The following PRLHR variants were observed in gnomAD, a reference collection of about 807,000 sequenced individuals.
The protein encoded by PRLHR is prolactin-releasing peptide receptor.
Under a neutral mutation model 9.3 loss-of-function variants are expected in PRLHR, and 10 were observed. The observed-to-expected ratio is 1.08, with a 90% CI of 0.66 to 1.82. The LOEUF is 1.82. Among genes scored for constraint, PRLHR ranks in the 40% most tolerant of loss-of-function variants. The pLI, the probability that PRLHR is intolerant of heterozygous loss-of-function variation, is 0.00. For missense variants in PRLHR, 589 were observed against 512.0 expected, an observed-to-expected ratio of 1.15 and a Z score of -1.45; for synonymous variants, 261 against 249.3, an observed-to-expected ratio of 1.05 and a Z score of -0.44.
rs1844436689 is a variant in PRLHR, at chr10:118,592,035, C to T, written c.*2097G>A. The T allele has an allele frequency of 6.6e-6, 1 of 151,732 alleles. No individual in the cohort carries two copies. Among genetic ancestry groups the T allele is most frequent in the Non-Finnish European group, 1.5e-5 (1 of 67,940 alleles). The allele number at this position is 151,732 out of a possible 1,614,324, so 9.4% of individuals were successfully genotyped here. A position where few individuals can be genotyped will look rare whatever the true frequency, so the allele number is the denominator to read the frequency against. On this transcript the variant is annotated 3_prime_UTR_variant, in exon 2 of 2. Transcript: ENST00000239032. ...CTTAAGGTGCTTAATCTTGGTTGCA[C>T]ATTAAAATCCCCTGAAGTGCTTTGG...
rs1844427310 is a variant in PRLHR at position 118,590,930 on chromosome 10, T to C, written c.*3202A>G. On this transcript the variant is annotated 3_prime_UTR_variant, in exon 2 of 2. Coordinates refer to ENST00000239032, the MANE Select transcript of PRLHR (RefSeq NM_004248.3). Reference sequence around the variant, plus strand: ...CCATGTAAGTGTTTCAAACTTAAGTTGTAGGCATGACAGAAACCAGTGGCA... The same window carrying C: ...CCATGTAAGTGTTTCAAACTTAAGTCGTAGGCATGACAGAAACCAGTGGCA... 6.6e-6 allele frequency: 1 copy of C among 152,338 alleles called. No homozygotes were observed. The highest frequency in any genetic ancestry group is 1.9e-4 in the East Asian group (1 of 5,194). 9.4% of individuals were successfully genotyped at this position (152,338 alleles called of 1,614,324 possible).
rs377348944 is a variant in PRLHR, at chr10:118,594,175, A to C, written c.1070T>G (p.Ile357Arg). 193 of 1,554,610 alleles carry C rather than the reference A, an allele frequency of 1.2e-4. No individual in the cohort carries two copies. Among genetic ancestry groups the C allele is most frequent in the Non-Finnish European group, 1.6e-4 (183 of 1,149,318 alleles). Residue 357 changes from isoleucine (I) to arginine (R), a missense_variant, in exon 2 of 2, where the codon ATA becomes AGA. Transcript: ENST00000239032. ...GGTCATATTCTGGCCATGGGGGGCT[A>C]TCTTGCGGGGCCAAGCGACCAACAG... ...RKLLVAWPRK[I>R]APHGQNMTVS...
At chr10:118,595,383 G>T in intron 1 of PRLHR, 133 bp from the exon 2 acceptor site, 1 of 789,206 alleles carries the variant, frequency 1.3e-6, no homozygotes, top group Non-Finnish European at 1.9e-6. Flanking sequence ...AGCAAAAGTA[G>T]CAAAAAGTGT....
Position 118,591,691 on chromosome 10 carries a change from T to C in PRLHR, c.*2441A>G, listed in dbSNP as rs1844433301. 6.9e-6 allele frequency: 1 copy of C among 144,896 alleles called. No individual in the cohort carries two copies. The highest frequency in any genetic ancestry group is 1.5e-5 in the Non-Finnish European group (1 of 65,944). 9.0% of individuals were successfully genotyped at this position (144,896 alleles called of 1,614,324 possible). ...TTTCTGAGATTCATTAGAAAGAGGA[T>C]TCCCGCCCCCACCCCCCACCCCGAG... On this transcript the variant is annotated 3_prime_UTR_variant, in exon 2 of 2. Transcript: ENST00000239032.
Position 118,594,941 on chromosome 10 carries a change from G to C in PRLHR, c.304C>G (p.Leu102Val), listed in dbSNP as rs754917070. The stretch of plus-strand genomic sequence containing the variant: ...CACATGAGCACGTCGGACAAGGCCA[G>C]GTTGCCGATGAGGAAGTTCGTCACG... ...HNVTNFLIGN[L>V]ALSDVLMCTA... The change falls in exon 2 of 2, where the codon CTG becomes GTG. Residue 102 changes from leucine to valine, a missense_variant. Transcript: ENST00000239032. The C allele has an allele frequency of 1.2e-6, 2 of 1,613,568 alleles. No individual in the cohort carries two copies. Among genetic ancestry groups the C allele is most frequent in the African/African-American group, 1.3e-5 (1 of 74,948 alleles).
At position 118,594,883 on chromosome 10, in the gene PRLHR, G is replaced by T. The variant is rs754543413; in HGVS notation, c.362C>A (p.Ala121Asp). The change falls in exon 2 of 2, where the codon GCC becomes GAC. Residue 121 changes from alanine (A) to aspartate (D), a missense_variant. Ala to Asp is a moderately radical substitution (Grantham distance 126). Transcript: ENST00000239032. Reference sequence around the variant, plus strand: ...GAACACCCAGCCGCGTGGCTCGAAGGCATAGGCCAGCGTGAGCGGCACGCA... The same window carrying T: ...GAACACCCAGCCGCGTGGCTCGAAGTCATAGGCCAGCGTGAGCGGCACGCA... ...TACVPLTLAY[A>D]FEPRGWVFGG... 58 of 1,613,378 alleles carry T rather than the reference G, an allele frequency of 3.6e-5. No individual in the cohort carries two copies. The highest frequency in any genetic ancestry group is 3.5e-4 in the South Asian group (32 of 91,054).
rs143477537 is a variant in PRLHR, at chr10:118,594,627, G to A, written c.618C>T (p.His206=). ...VHTYHVELKP[H]DVRLCEEFWG... ...AGAACTCCTCGCAGAGGCGCACGTC[G>A]TGCGGCTTGAGCTCCACGTGATAGG... The change falls in exon 2 of 2, where the codon CAC becomes CAT. Residue 206 remains histidine (H), a synonymous_variant. Coordinates refer to ENST00000239032, the MANE Select transcript of PRLHR (RefSeq NM_004248.3). 144 of 1,579,488 alleles carry A rather than the reference G, an allele frequency of 9.1e-5. No homozygotes were observed. The African/African-American group carries it at 1.8e-3, about 20-fold the overall frequency.
intron 1 of PRLHR, 50 bp downstream of exon 1, chr10:118,595,466 A>G (rs755897434): frequency 7.2e-6 from 3 of 414,642 alleles, no homozygotes; most frequent in African/African-American, 2.0e-5. Context: ...TTCCGCCTCT[A>G]TTTACGGTCC....
At position 118,592,096 on chromosome 10, in the gene PRLHR, T is replaced by C. The variant is rs1844437157; in HGVS notation, c.*2036A>G. The C allele has an allele frequency of 6.7e-6, 1 of 150,278 alleles. No homozygotes were observed. The highest frequency in any genetic ancestry group is 1.5e-5 in the Non-Finnish European group (1 of 67,700). The allele number at this position is 150,278 out of a possible 1,614,324, so 9.3% of individuals were successfully genotyped here. On this transcript the variant is annotated 3_prime_UTR_variant, in exon 2 of 2. Coordinates refer to ENST00000239032, the MANE Select transcript of PRLHR (RefSeq NM_004248.3). Reference sequence around the variant, plus strand: ...TGTCCAGGCACCATCTCAAATCAACTAGACTCTTGGGAGGAGAGCCCAGAC... The same window carrying C: ...TGTCCAGGCACCATCTCAAATCAACCAGACTCTTGGGAGGAGAGCCCAGAC...
rs1589783868 is a variant in PRLHR at position 118,593,867 on chromosome 10, G to T, written c.*265C>A. 1 of 397,200 alleles carries T rather than the reference G, an allele frequency of 2.5e-6. No individual in the cohort carries two copies. The highest frequency in any genetic ancestry group is 4.9e-5 in the East Asian group (1 of 20,420). The allele number at this position is 397,200 out of a possible 1,614,324, so 24.6% of individuals were successfully genotyped here. A position where few individuals can be genotyped will look rare whatever the true frequency, so the allele number is the denominator to read the frequency against. Reference sequence around the variant, plus strand: ...AGAAAAAGTTTTGTTTGTCCTTCAAGGGCATAAAGAAGAAATAAGAAATCC... The same window carrying T: ...AGAAAAAGTTTTGTTTGTCCTTCAATGGCATAAAGAAGAAATAAGAAATCC... On this transcript the variant is annotated 3_prime_UTR_variant, in exon 2 of 2. Transcript: ENST00000239032.
rs1844459551 is a variant in PRLHR, at chr10:118,594,246, G to C, written c.999C>G (p.Phe333Leu). 6.2e-7 allele frequency: 1 copy of C among 1,604,020 alleles called. No homozygotes were observed. The highest frequency in any genetic ancestry group is 1.7e-5 in the Admixed American group (1 of 59,144). ...LAMSSACYNP[F>L]IYAWLHDSFR... is the part of the protein sequence containing the mutation. ...AGCTGTCGTGCAGCCAGGCGTAGATGAAGGGGTTGTAGCAGGCCGAACTCA... is the reference window on the plus strand; with the variant it reads ...AGCTGTCGTGCAGCCAGGCGTAGATCAAGGGGTTGTAGCAGGCCGAACTCA... Residue 333 changes from phenylalanine to leucine, a missense_variant, in exon 2 of 2, where the codon TTC (phenylalanine) becomes TTG (leucine). Phe to Leu is a conservative substitution (Grantham distance 22, BLOSUM62 0). Transcript: ENST00000239032.
chr10:118,590,285 C>T lies in PRLHR; in HGVS notation c.*3847G>A, dbSNP rs965431054. ...AACAGATGTTCAGGAATGCAAACCA[C>T]AGGACAGAGGTCGTGGGTGAGCCTA... On this transcript the variant is annotated 3_prime_UTR_variant, in exon 2 of 2. Transcript: ENST00000239032. The T allele has an allele frequency of 6.6e-6, 1 of 152,218 alleles. No homozygotes were observed. The allele number at this position is 152,218 out of a possible 1,614,324, so 9.4% of individuals were successfully genotyped here.
Position 118,594,489 on chromosome 10 carries a change from G to A in PRLHR, c.756C>T (p.Leu252=), listed in dbSNP as rs1844466161. The A allele has an allele frequency of 6.3e-7, 1 of 1,598,728 alleles. No homozygotes were observed. The highest frequency in any genetic ancestry group is 8.5e-7 in the Non-Finnish European group (1 of 1,175,874). Residue 252 remains leucine (L), a synonymous_variant, in exon 2 of 2, where the codon CTC becomes CTT. Coordinates refer to ENST00000239032, the MANE Select transcript of PRLHR (RefSeq NM_004248.3). Reference sequence around the variant, plus strand: ...CGCAGCCCGGCACCACGCGGTTGCGGAGCTTCACTGACACCCGGACGTAAG... The same window carrying A: ...CGCAGCCCGGCACCACGCGGTTGCGAAGCTTCACTGACACCCGGACGTAAG... ...LLSYVRVSVK[L]RNRVVPGCVT...
rs533657069 is a variant in PRLHR, at chr10:118,591,973, G to T, written c.*2159C>A. 1 of 152,102 alleles carries T rather than the reference G, an allele frequency of 6.6e-6. No homozygotes were observed. Among genetic ancestry groups the T allele is most frequent in the African/African-American group, 2.4e-5 (1 of 41,404 alleles). The allele number at this position is 152,102 out of a possible 1,614,324, so 9.4% of individuals were successfully genotyped here. A position where few individuals can be genotyped will look rare whatever the true frequency, so the allele number is the denominator to read the frequency against. On this transcript the variant is annotated 3_prime_UTR_variant, in exon 2 of 2. Coordinates refer to ENST00000239032, the MANE Select transcript of PRLHR (RefSeq NM_004248.3). ...GTCCCCCAAAATGCTGGGATTACAG[G>T]TGTAAGCCACCATGCCCAGCCCTAG...
In PRLHR at chr10:118,593,594, T is replaced by C. The variant is rs1844451629; in HGVS notation, c.*538A>G. The stretch of plus-strand genomic sequence containing the variant: ...GCATATAAAGGTCTTACTCAGGAAA[T>C]GCTGAAATCCTAGATGTAGAGTTTT... On this transcript the variant is annotated 3_prime_UTR_variant, in exon 2 of 2. Coordinates refer to ENST00000239032, the MANE Select transcript of PRLHR (RefSeq NM_004248.3). 1 of 152,222 alleles carries C rather than the reference T, an allele frequency of 6.6e-6. No individual in the cohort carries two copies. Among genetic ancestry groups the C allele is most frequent in the Non-Finnish European group, 1.5e-5 (1 of 68,040 alleles). The allele number at this position is 152,222 out of a possible 1,614,324, so 9.4% of individuals were successfully genotyped here.
chr10:118,594,020 ATGT>A lies in PRLHR; in HGVS notation c.*109_*111del. 1 of 1,424,062 alleles carries A rather than the reference ATGT, an allele frequency of 7.0e-7. No individual in the cohort carries two copies. The highest frequency in any genetic ancestry group is 9.2e-7 in the Non-Finnish European group (1 of 1,082,566). The allele number at this position is 1,424,062 out of a possible 1,614,324, so 88.2% of individuals were successfully genotyped here. A position where few individuals can be genotyped will look rare whatever the true frequency, so the allele number is the denominator to read the frequency against. The stretch of plus-strand genomic sequence containing the variant: ...AGGGCTGGGCTGGAAATGTTGCCCT[ATGT>A]TGGCTTAGCTAGCTCTGGTGCTGAG... On this transcript the variant is annotated 3_prime_UTR_variant, in exon 2 of 2. Transcript: ENST00000239032.
At position 118,594,990 on chromosome 10, in the gene PRLHR, G is replaced by C. The variant is rs1480275667; in HGVS notation, c.255C>G (p.Ile85Met). The C allele has an allele frequency of 3.7e-6, 6 of 1,613,364 alleles. No individual in the cohort carries two copies. In the African/African-American group the frequency reaches 6.7e-5, roughly 18 times the overall value. ...CGTTGTGCAGCCGGCGCACCCGCGC[G>C]ATCACCAGCACCAGCAGGCAGTTGC... is the stretch of plus-strand genomic sequence containing the variant. ...LVGNCLLVLV[I>M]ARVRRLHNVT... The change falls in exon 2 of 2, where the codon ATC becomes ATG. Residue 85 changes from isoleucine (I) to methionine (M), a missense_variant. Ile to Met is a conservative substitution (Grantham distance 10). Coordinates refer to ENST00000239032, the MANE Select transcript of PRLHR (RefSeq NM_004248.3).
In PRLHR at chr10:118,595,119, C is replaced by T. The variant is rs561909757; in HGVS notation, c.126G>A (p.Ala42=). The change falls in exon 2 of 2, where the codon GCG becomes GCA. Residue 42 remains alanine, a synonymous_variant. Transcript: ENST00000239032. ...GGAAGGGCGTGACGGCTGGAGCGTC[C>T]GCGCCAGCCACCGACCCGTTGCCCG... The part of the protein sequence containing the change: ...ASAGNGSVAG[A]DAPAVTPFQS... 13 of 1,601,058 alleles carry T rather than the reference C, an allele frequency of 8.1e-6. No homozygotes were observed. The highest frequency in any genetic ancestry group is 6.7e-5 in the African/African-American group (5 of 74,784).
Position 118,590,592 on chromosome 10 carries a change from T to C in PRLHR, c.*3540A>G, listed in dbSNP as rs75935441. The stretch of plus-strand genomic sequence containing the variant: ...AGCCTTGAGAAGGGCTGCTGCCAAG[T>C]ACCAAGTTGGCTCAGTTCCCAGCCT... On this transcript the variant is annotated 3_prime_UTR_variant, in exon 2 of 2. Coordinates refer to ENST00000239032, the MANE Select transcript of PRLHR (RefSeq NM_004248.3). 0.041 allele frequency: 6,271 copies of C among 152,302 alleles called. 172 individuals carry two copies. The highest frequency in any genetic ancestry group is 0.064 in the South Asian group (308 of 4,826). The allele number at this position is 152,302 out of a possible 1,614,324, so 9.4% of individuals were successfully genotyped here.
Sources: gnomAD v4.1 joint callset for allele counts on GRCh38, gnomAD v4.1.1 for gene constraint, MANE v1.5 for transcripts, NCBI Gene and HGNC (gene_info 2026-07-23, HGNC 2026-07-21) for gene names.